ZBTB8OS: variants seen among roughly 807,000 people sequenced by gnomAD.
The protein encoded by ZBTB8OS is tRNA splicing ligase complex subunit 1, also known as tRNA-splicing ligase-activating factor archease.
In ZBTB8OS, 16 loss-of-function variants were observed where a neutral mutation model predicts 29.3. The ratio of observed to expected loss-of-function variants is 0.55; its 90% confidence interval spans 0.37 to 0.83. The LOEUF (loss-of-function observed/expected upper bound fraction) is 0.83, where lower values mean the gene tolerates loss of function less well. Among genes scored for constraint, ZBTB8OS ranks in the 40% least tolerant of loss-of-function variants. The pLI, the probability that ZBTB8OS is intolerant of heterozygous loss-of-function variation, is 0.00. For missense variants in ZBTB8OS, 160 were observed against 196.9 expected (o/e 0.81, Z 1.12); for synonymous variants, 70 against 64.6 (o/e 1.08, Z -0.40).
intron 6 of ZBTB8OS, among the ~76,000 whole-genome samples, chr1:32,625,663 G>C (rs188366171): frequency 5.6e-4 from 85 of 152,308 alleles, no homozygotes; most frequent in Admixed American, 1.6e-3. Context: ...CTTGAGACTA[G>C]GAGTTTCGGA....
Position 32,621,955 on chromosome 1 carries a change from T to C in ZBTB8OS, c.418-7A>G. ...TTGCTTTGACTTCTGTTCCCTAAAGTTGGGGTTAGAGAAAAAAAAAAAAAA... is the reference window on the plus strand; with the variant it reads ...TTGCTTTGACTTCTGTTCCCTAAAGCTGGGGTTAGAGAAAAAAAAAAAAAA... On this transcript the variant is annotated splice_polypyrimidine_tract_variant and splice_region_variant and intron_variant, in intron 6 of 6. Coordinates refer to ENST00000468695, the MANE Select transcript of ZBTB8OS (RefSeq NM_178547.5). 1 of 1,538,708 alleles carries C rather than the reference T, an allele frequency of 6.5e-7. No individual in the cohort carries two copies. Among genetic ancestry groups the C allele is most frequent in the Non-Finnish European group, 8.7e-7 (1 of 1,152,262 alleles).
chr1:32,634,163 T>C (rs1286544615), intron 2 of ZBTB8OS, 91 bp from the exon 3 acceptor site: 7 of 1,214,064 alleles, frequency 5.8e-6, no homozygotes, highest in Non-Finnish European at 7.6e-6. Context: ...TTCAGTATGA[T>C]AAATACAAAT....
At position 32,633,961 on chromosome 1, in the gene ZBTB8OS, T is replaced by C. The variant is rs775639686; in HGVS notation, c.234A>G (p.Val78=). The change falls in exon 3 of 7, where the codon GTA becomes GTG. Residue 78 remains valine, a synonymous_variant. Transcript: ENST00000468695. ...GTVEPLQTVE[V]ETQGDDLQSL... is the part of the protein sequence containing the mutation. ...GAATAAATCATTTACCTTGGGTTTC[T>C]ACTTCTACTGTTTGGAGGGGCTCCA... 3 of 1,580,278 alleles carry C rather than the reference T, an allele frequency of 1.9e-6. No homozygotes were observed. The highest frequency in any genetic ancestry group is 2.6e-6 in the Non-Finnish European group (3 of 1,170,072).
chr1:32,637,462 G>A (rs652589), intron 1 of ZBTB8OS, among the ~76,000 whole-genome samples: 4,068 of 152,016 alleles, frequency 0.027, 180 homozygotes, highest in African/African-American at 0.092. Flanking sequence ...CAGCTACTCC[G>A]GAAGCTGAGG....
chr1:32,633,439 T>A (rs1645724847), intron 4 of ZBTB8OS: 3 of 503,346 alleles, frequency 6.0e-6, no homozygotes, highest in Admixed American at 3.9e-5. Context: ...GACAAATACA[T>A]GAGATCTAAA....
intron 1 of ZBTB8OS, among the ~76,000 whole-genome samples, chr1:32,643,117 C>G (rs1382336539): frequency 7.5e-6 from 1 of 134,122 alleles, no homozygotes; most frequent in Non-Finnish European, 1.5e-5. Flanking sequence ...GTTTCCCAGG[C>G]TGGAGTACAA....
chr1:32,633,595 T>C, intron 4 of ZBTB8OS, 50 bp downstream of exon 4: 4 of 1,320,634 alleles, frequency 3.0e-6, no homozygotes, highest in Non-Finnish European at 4.3e-6. Context: ...TATTTTAAAA[T>C]ATGAACTAAG....
chr1:32,633,932 T>C lies in ZBTB8OS; in HGVS notation c.244+19A>G, dbSNP rs1645758428. 2 of 1,554,484 alleles carry C rather than the reference T, an allele frequency of 1.3e-6. No homozygotes were observed. The highest frequency in any genetic ancestry group is 1.7e-6 in the Non-Finnish European group (2 of 1,159,170). On this transcript the variant is annotated intron_variant, in intron 3 of 6. Transcript: ENST00000468695. ...ACAGTACTGTATAACAATTTCTTCCTTGTGAATAAATCATTTACCTTGGGT... is the reference window on the plus strand; with the variant it reads ...ACAGTACTGTATAACAATTTCTTCCCTGTGAATAAATCATTTACCTTGGGT...
chr1:32,632,111 C>G, intron 4 of ZBTB8OS: 1 of 229,610 alleles, frequency 4.4e-6, no homozygotes, highest in Non-Finnish European at 8.3e-6. Context: ...AAGCAATTCT[C>G]CTGTCTCAAC....
chr1:32,644,590 T>C (rs1234715177), intron 1 of ZBTB8OS, among the ~76,000 whole-genome samples: 1 of 147,718 alleles, frequency 6.8e-6, no homozygotes, highest in African/African-American at 2.5e-5. Context: ...GGGAGTATAG[T>C]GGCATGATGA....
Position 32,639,156 on chromosome 1 carries a change from G to A in ZBTB8OS, c.98-4364C>T, listed in dbSNP as rs144620680. Among the ~76,000 whole-genome samples, 863 of 151,886 alleles carry A rather than the reference G, an allele frequency of 5.7e-3. 6 individuals are homozygous for A. Among genetic ancestry groups the A allele is most frequent in the Middle Eastern group, 0.027 (8 of 292 alleles). On this transcript the variant is annotated intron_variant, in intron 1 of 6. Transcript: ENST00000468695. The stretch of plus-strand genomic sequence containing the variant: ...CTACTAAAAATACAAAAATTAGCCC[G>A]GTGTGGTAGCATGTGCCTGTAGTCC...
intron 1 of ZBTB8OS, among the ~76,000 whole-genome samples, chr1:32,647,266 CAAA>C (rs71006348): frequency 2.2e-5 from 3 of 134,552 alleles, no homozygotes; most frequent in Non-Finnish European, 4.6e-5. Flanking sequence ...TACTCTGTCT[CAAA>C]AAAAAAAAAA....
intron 1 of ZBTB8OS, among the ~76,000 whole-genome samples, chr1:32,637,302 G>T (rs182420932): frequency 6.6e-6 from 1 of 152,234 alleles, no homozygotes; most frequent in African/African-American, 2.4e-5. Flanking sequence ...GGTGGCTCAC[G>T]CCTGTAATCC....
chr1:32,628,370 C>T (rs532886487), intron 5 of ZBTB8OS, among the ~76,000 whole-genome samples: 3 of 151,624 alleles, frequency 2.0e-5, no homozygotes, highest in African/African-American at 7.3e-5. Flanking sequence ...GGCGCGGTGG[C>T]TCATGCCTGT....
At chr1:32,647,659 C>G (rs1646959870) in intron 1 of ZBTB8OS, among the ~76,000 whole-genome samples, 1 of 152,124 alleles carries the variant, frequency 6.6e-6, no homozygotes, top group Non-Finnish European at 1.5e-5. Flanking sequence ...GGAGCTTGAA[C>G]ACTATTGTGA....
Position 32,641,010 on chromosome 1 carries a change from C to CAAAAAAAAAAAAA in ZBTB8OS, c.98-6231_98-6219dup, listed in dbSNP as rs530189429. Among the ~76,000 whole-genome samples, 16 of 104,782 alleles carry CAAAAAAAAAAAAA rather than the reference C, an allele frequency of 1.5e-4. 2 individuals carry two copies. The highest frequency in any genetic ancestry group is 5.0e-4 in the African/African-American group (13 of 25,752). 68.7% of individuals were successfully genotyped at this position (104,782 alleles called of 152,430 possible). A position where few individuals can be genotyped will look rare whatever the true frequency, so the allele number is the denominator to read the frequency against. ...TGAAACCCTGTCTCTACTAAAAATA[C>CAAAAAAAAAAAAA]AAAAAAAAAAAAATTAGCTGGGCAT... On this transcript the variant is annotated intron_variant, in intron 1 of 6. Transcript: ENST00000468695.
intron 1 of ZBTB8OS, among the ~76,000 whole-genome samples, chr1:32,647,637 T>C (rs1439401964): frequency 6.6e-6 from 1 of 152,114 alleles, no homozygotes; most frequent in African/African-American, 2.4e-5. Context: ...GGCACAGCAT[T>C]AGATTCTCAT....
At chr1:32,637,493 T>C (rs991190417) in intron 1 of ZBTB8OS, among the ~76,000 whole-genome samples, 7 of 151,294 alleles carry the variant, frequency 4.6e-5, no homozygotes, top group African/African-American at 1.5e-4. Context: ...GCTTGAACCC[T>C]GGAGGCGGAG....
chr1:32,630,123 A>T (rs1038217888), intron 5 of ZBTB8OS, among the ~76,000 whole-genome samples: 1 of 152,214 alleles, frequency 6.6e-6, no homozygotes, highest in Non-Finnish European at 1.5e-5. Flanking sequence ...ATAATAAAAG[A>T]TCTCACTTTA....
Sources: allele counts gnomAD v4.1 joint callset (sites outside exome capture counted in the v4.1 genomes callset), GRCh38; gene constraint gnomAD v4.1.1; transcripts MANE v1.5; gene names NCBI Gene and HGNC (gene_info 2026-07-23, HGNC 2026-07-21).